The following KCNQ5 variants were observed in gnomAD, a reference collection of about 807,000 sequenced individuals.
KCNQ5 encodes the protein potassium voltage-gated channel subfamily KQT member 5.
A neutral mutation model predicts 98.2 loss-of-function variants in KCNQ5; 30 were observed. The ratio of observed to expected loss-of-function variants is 0.31; its 90% CI spans 0.23 to 0.41. KCNQ5 has a LOEUF of 0.41. Among genes scored for constraint, KCNQ5 ranks in the 10% least tolerant of loss-of-function variants. The probability of loss-of-function intolerance (pLI) is 1.00; values close to 1 mark genes in which losing one functional copy is unlikely to be tolerated. For synonymous variants in KCNQ5, 458 were observed against 449.4 expected, an observed-to-expected ratio of 1.02 and a Z score of -0.24; for missense variants, 835 against 1,182.5, an observed-to-expected ratio of 0.71 and a Z score of 4.31.
At chr6:72,759,048 C>G (rs1426311262) in intron 1 of KCNQ5, among the ~76,000 whole-genome samples, 4 of 152,176 alleles carry the variant, frequency 2.6e-5, no homozygotes, top group Non-Finnish European at 4.4e-5. Flanking sequence ...GAACTTTCTA[C>G]TGGACAAAAA....
intron 1 of KCNQ5, among the ~76,000 whole-genome samples, chr6:72,784,337 AAG>A (rs1473825349): frequency 3.3e-5 from 5 of 152,260 alleles, no homozygotes; most frequent in South Asian, 2.1e-4. Flanking sequence ...AAGAGAAGAG[AAG>A]AGAGAGAGCA....
At chr6:73,020,749 G>A (rs1444113230) in intron 2 of KCNQ5, among the ~76,000 whole-genome samples, 1 of 152,236 alleles carries the variant, frequency 6.6e-6, no homozygotes, top group Non-Finnish European at 1.5e-5. Context: ...TTATCACTTT[G>A]AAGATTCTAA....
intron 2 of KCNQ5, among the ~76,000 whole-genome samples, chr6:73,022,121 A>G (rs1232721010): frequency 6.6e-6 from 1 of 152,222 alleles, no homozygotes; most frequent in Non-Finnish European, 1.5e-5. Flanking sequence ...CAGTTATTCA[A>G]CACTAACATA....
chr6:73,064,363 GCTC>G (rs1772955980), intron 3 of KCNQ5, among the ~76,000 whole-genome samples: 1 of 152,130 alleles, frequency 6.6e-6, no homozygotes. Flanking sequence ...TTGTAGTTTT[GCTC>G]TGTAAATTTA....
intron 1 of KCNQ5, among the ~76,000 whole-genome samples, chr6:72,628,464 A>G (rs939969129): frequency 6.6e-6 from 1 of 152,200 alleles, no homozygotes; most frequent in African/African-American, 2.4e-5. Flanking sequence ...GAGAAAGAGT[A>G]TTTGGAATAA....
At chr6:72,710,775 G>C (rs1464850475) in intron 1 of KCNQ5, among the ~76,000 whole-genome samples, 1 of 152,068 alleles carries the variant, frequency 6.6e-6, no homozygotes, top group Non-Finnish European at 1.5e-5. Flanking sequence ...TTTAACATTG[G>C]ACATATCATT....
At chr6:72,715,911 T>G (rs1486302394) in intron 1 of KCNQ5, among the ~76,000 whole-genome samples, 1 of 152,122 alleles carries the variant, frequency 6.6e-6, no homozygotes, top group Non-Finnish European at 1.5e-5. Context: ...AATTCAAATG[T>G]TTGTGATTGA....
intron 5 of KCNQ5, among the ~76,000 whole-genome samples, chr6:73,101,830 A>G (rs1774789278): frequency 6.6e-6 from 1 of 152,194 alleles, no homozygotes; most frequent in Non-Finnish European, 1.5e-5. Context: ...TTCTCAAAGC[A>G]ATCTACAAAT....
At chr6:73,029,555 T>C (rs1029489691) in intron 2 of KCNQ5, among the ~76,000 whole-genome samples, 1 of 151,164 alleles carries the variant, frequency 6.6e-6, no homozygotes, top group African/African-American at 2.4e-5. Context: ...TGTTTAATGG[T>C]TCAATTGAAC....
chr6:72,788,043 C>A (rs566825772), intron 1 of KCNQ5, among the ~76,000 whole-genome samples: 45 of 152,290 alleles, frequency 3.0e-4, no homozygotes, highest in African/African-American at 1.1e-3. Context: ...TCTTGGGTAT[C>A]TGCATTTCCA....
chr6:72,828,793 C>G (rs544103820), intron 1 of KCNQ5, among the ~76,000 whole-genome samples: 1 of 152,192 alleles, frequency 6.6e-6, no homozygotes, highest in African/African-American at 2.4e-5. Flanking sequence ...ATTGCTCTGG[C>G]TAGTACTTCC....
chr6:73,143,055 A>G (rs948774977), intron 10 of KCNQ5, among the ~76,000 whole-genome samples: 7 of 152,190 alleles, frequency 4.6e-5, no homozygotes, highest in African/African-American at 1.7e-4. Context: ...GGTTGAAGAT[A>G]TGTTCTTGGT....
At chr6:73,065,782 T>C (rs1412466778) in intron 3 of KCNQ5, among the ~76,000 whole-genome samples, 3 of 152,258 alleles carry the variant, frequency 2.0e-5, no homozygotes, top group Non-Finnish European at 4.4e-5. Flanking sequence ...TCCTTAGATA[T>C]GATCACGGTC....
chr6:72,791,793 C>T (rs923392938), intron 1 of KCNQ5, among the ~76,000 whole-genome samples: 4 of 152,142 alleles, frequency 2.6e-5, no homozygotes, highest in Non-Finnish European at 5.9e-5. Context: ...GAAGGCATCA[C>T]GTACCAAGAG....
chr6:73,089,149 T>C (rs867821071), intron 5 of KCNQ5, among the ~76,000 whole-genome samples: 8 of 152,204 alleles, frequency 5.3e-5, no homozygotes, highest in Non-Finnish European at 1.2e-4. Context: ...CCAATCACTG[T>C]GCAAGGTGCT....
At chr6:73,043,366 TTGTC>T (rs982597359) in intron 3 of KCNQ5, 14 of 164,530 alleles carry the variant, frequency 8.5e-5, no homozygotes, top group African/African-American at 3.3e-4. Context: ...TGCAGTCTGT[TTGTC>T]TGTCTTCTCC....
chr6:72,782,645 C>G (rs1488144281), intron 1 of KCNQ5, among the ~76,000 whole-genome samples: 1 of 152,034 alleles, frequency 6.6e-6, no homozygotes, highest in Non-Finnish European at 1.5e-5. Flanking sequence ...CAGAAAGTCC[C>G]CTTGTCCCTT....
chr6:73,035,289 T>A (rs1771362872), intron 2 of KCNQ5, among the ~76,000 whole-genome samples: 1 of 152,236 alleles, frequency 6.6e-6, no homozygotes, highest in Non-Finnish European at 1.5e-5. Flanking sequence ...ACACATTTAT[T>A]GTCTTTGCTT....
intron 2 of KCNQ5, among the ~76,000 whole-genome samples, chr6:73,025,039 A>T (rs896110893): frequency 1.3e-5 from 2 of 152,330 alleles, no homozygotes; most frequent in East Asian, 3.9e-4. Flanking sequence ...CCTTATTAAT[A>T]TTCTCACTTC....
Sources: gnomAD v4.1 joint callset for allele counts (sites outside exome capture counted in the v4.1 genomes callset) on GRCh38, gnomAD v4.1.1 for gene constraint, MANE v1.5 for transcripts, NCBI Gene and HGNC (gene_info 2026-07-23, HGNC 2026-07-21) for gene names.